PALLD: variants seen among roughly 807,000 people sequenced by gnomAD.
PALLD encodes the protein palladin, cytoskeletal associated protein, also known as palladin.
In PALLD, 61 loss-of-function variants were observed where a neutral mutation model predicts 123.5. The observed-to-expected ratio is 0.49, with a 90% CI of 0.40 to 0.61. PALLD has a LOEUF of 0.61. PALLD is among the 20% of genes least tolerant of loss of function. The pLI is 0.00. For missense variants in PALLD, 1,273 were observed against 1,377.0 expected (o/e 0.92, Z 1.20); for synonymous variants, 465 against 496.4 (o/e 0.94, Z 0.84).
At chr4:168,538,279 T>TGGA (rs1765275961) in intron 2 of PALLD, among the ~76,000 whole-genome samples, 3 of 152,272 alleles carry the variant, frequency 2.0e-5, no homozygotes, top group Middle Eastern at 3.4e-3. Context: ...AACAATCCAC[T>TGGA]TCCTTTTTTC....
intron 10 of PALLD, among the ~76,000 whole-genome samples, chr4:168,889,138 TTGTGTGTGTG>T (rs143065658): frequency 5.3e-5 from 7 of 132,238 alleles, no homozygotes; most frequent in Non-Finnish European, 9.4e-5. Context: ...TTGCTTTATT[TTGTGTGTGTG>T]TGTGTGTGTG....
chr4:168,560,617 C>A (rs1044097051), intron 2 of PALLD, among the ~76,000 whole-genome samples: 1 of 152,204 alleles, frequency 6.6e-6, no homozygotes, highest in African/African-American at 2.4e-5. Context: ...CCCAAGCAGT[C>A]TCTGTCCCCA....
chr4:168,816,983 T>C (rs1178299370), intron 10 of PALLD, among the ~76,000 whole-genome samples: 1 of 151,760 alleles, frequency 6.6e-6, no homozygotes, highest in Non-Finnish European at 1.5e-5. Flanking sequence ...AGGAAGTGAG[T>C]GCTGAAGTAT....
chr4:168,873,205 A>G (rs896952168), intron 10 of PALLD, among the ~76,000 whole-genome samples: 8 of 152,192 alleles, frequency 5.3e-5, no homozygotes, highest in Non-Finnish European at 8.8e-5. Context: ...ATTGACAGTG[A>G]TGAGTCCACC....
chr4:168,709,189 G>A (rs753707639), intron 9 of PALLD, 42 bp downstream of exon 9: 2 of 1,607,168 alleles, frequency 1.2e-6, no homozygotes, highest in Non-Finnish European at 1.7e-6. Context: ...CTGTTCCCCA[G>A]CACCAGTGTG....
chr4:168,723,817 A>ATTTAT (rs1786265881), intron 10 of PALLD, among the ~76,000 whole-genome samples: 1 of 148,752 alleles, frequency 6.7e-6, no homozygotes, highest in Non-Finnish European at 1.5e-5. Context: ...TTAGCCTCCT[A>ATTTAT]TTTATTTTAG....
At chr4:168,699,555 G>T (rs1783480164) in intron 8 of PALLD, among the ~76,000 whole-genome samples, 1 of 150,998 alleles carries the variant, frequency 6.6e-6, no homozygotes. Context: ...AGTTGCAAAG[G>T]AAGCCATTTA....
At chr4:168,769,384 C>T (rs1404421459) in intron 10 of PALLD, among the ~76,000 whole-genome samples, 2 of 152,152 alleles carry the variant, frequency 1.3e-5, no homozygotes, top group Non-Finnish European at 2.9e-5. Context: ...GAATTTCAGG[C>T]TTGAATCTCT....
intron 10 of PALLD, among the ~76,000 whole-genome samples, chr4:168,763,183 C>T (rs1280204019): frequency 3.3e-5 from 5 of 152,154 alleles, no homozygotes; most frequent in African/African-American, 1.2e-4. Flanking sequence ...TTAAAAATGC[C>T]ATTCTCTACA....
chr4:168,695,658 A>G (rs1314966307), intron 8 of PALLD, among the ~76,000 whole-genome samples: 1 of 152,196 alleles, frequency 6.6e-6, no homozygotes, highest in African/African-American at 2.4e-5. Context: ...TGGCTCATCC[A>G]ATCTGATTCC....
rs538397797 is a variant in PALLD, at chr4:168,608,536, A to G, written c.909-59654A>G. 7.2e-5 allele frequency among the ~76,000 whole-genome samples: 11 copies of G among 152,340 alleles called. No individual in the cohort carries two copies. In the East Asian group the frequency reaches 2.1e-3, roughly 29 times the overall value. On this transcript the variant is annotated intron_variant, in intron 2 of 21. Coordinates refer to ENST00000505667, the MANE Select transcript of PALLD (RefSeq NM_001166108.2). ...TGAAGTTTCTTGAAGCGGCTAGAAG[A>G]GGAATTACTACATCATGTAACATGT...
chr4:168,613,269 TGAATTG>T (rs1773908704), intron 2 of PALLD, among the ~76,000 whole-genome samples: 1 of 152,136 alleles, frequency 6.6e-6, no homozygotes, highest in African/African-American at 2.4e-5. Context: ...CAAACCCAAA[TGAATTG>T]TTCACCCTAG....
At chr4:168,691,131 A>G (rs2150124090) in intron 7 of PALLD, 138 bp from the exon 8 acceptor site, 2 of 692,696 alleles carry the variant, frequency 2.9e-6, no homozygotes, top group Middle Eastern at 3.9e-4. Flanking sequence ...TATCTTTTGT[A>G]TGATGGAGTT....
intron 10 of PALLD, among the ~76,000 whole-genome samples, chr4:168,825,365 TTCTC>T (rs1378461489): frequency 6.6e-6 from 1 of 152,240 alleles, no homozygotes; most frequent in Non-Finnish European, 1.5e-5. Flanking sequence ...ATCTCAATGA[TTCTC>T]TTAGTAGTTG....
intron 2 of PALLD, among the ~76,000 whole-genome samples, chr4:168,581,784 T>C (rs562720606): frequency 6.6e-6 from 1 of 151,580 alleles, no homozygotes; most frequent in African/African-American, 2.4e-5. Flanking sequence ...CATTTAACTA[T>C]TTTTACTTTT....
chr4:168,709,168 A>AG (rs1304419542), intron 9 of PALLD, 21 bp downstream of exon 9: 11 of 1,612,844 alleles, frequency 6.8e-6, no homozygotes, highest in Non-Finnish European at 8.5e-6. Context: ...AGTAAAAAAA[A>AG]TGACTGGGTT....
intron 10 of PALLD, among the ~76,000 whole-genome samples, chr4:168,860,108 A>G (rs1312471911): frequency 6.6e-6 from 1 of 152,216 alleles, no homozygotes; most frequent in East Asian, 1.9e-4. Flanking sequence ...GGGTGAACAC[A>G]CAACCTTTAC....
chr4:168,580,104 C>T (rs568111669), intron 2 of PALLD, among the ~76,000 whole-genome samples: 5 of 151,988 alleles, frequency 3.3e-5, no homozygotes, highest in Middle Eastern at 3.2e-3. Context: ...TTGGATTCCA[C>T]GTGTGTCAGA....
intron 2 of PALLD, among the ~76,000 whole-genome samples, chr4:168,634,055 C>T (rs969593555): frequency 6.6e-6 from 1 of 152,188 alleles, no homozygotes; most frequent in Non-Finnish European, 1.5e-5. Context: ...TTTGTTTATG[C>T]TCAGAACAAG....
Sources: allele counts gnomAD v4.1 joint callset (sites outside exome capture counted in the v4.1 genomes callset), GRCh38; gene constraint gnomAD v4.1.1; transcripts MANE v1.5; gene names NCBI Gene and HGNC (gene_info 2026-07-23, HGNC 2026-07-21).